CAMTA1: variants seen among roughly 807,000 people sequenced by gnomAD.
The protein encoded by CAMTA1 is calmodulin binding transcription activator 1, also known as calmodulin-binding transcription activator 1.
CAMTA1 carries 27 observed loss-of-function variants against 170.9 expected under a neutral mutation model. The ratio of observed to expected loss-of-function variants is 0.16; its 90% confidence interval spans 0.12 to 0.22. The LOEUF (loss-of-function observed/expected upper bound fraction) is 0.22. CAMTA1 is among the 10% of genes least tolerant of loss of function. The probability of loss-of-function intolerance (pLI) is 1.00; values close to 1 mark genes in which losing one functional copy is unlikely to be tolerated. For synonymous variants in CAMTA1, 833 were observed against 891.5 expected (o/e 0.93, Z 1.17); for missense variants, 1,619 against 2,217.2 (o/e 0.73, Z 5.42).
At chr1:7,275,112 T>G (rs1203785250) in intron 5 of CAMTA1, among the ~76,000 whole-genome samples, 5 of 125,214 alleles carry the variant, frequency 4.0e-5, no homozygotes, top group African/African-American at 1.5e-4. Flanking sequence ...ACTGCACTCC[T>G]GCCTGGGCAG....
chr1:7,297,309 G>T (rs778729892), intron 5 of CAMTA1, among the ~76,000 whole-genome samples: 2 of 152,188 alleles, frequency 1.3e-5, no homozygotes, highest in Admixed American at 6.5e-5. Context: ...GGTCTGGTCA[G>T]GCTTGGTTTG....
intron 3 of CAMTA1, among the ~76,000 whole-genome samples, chr1:7,057,914 A>G (rs184111292): frequency 2.0e-4 from 30 of 151,782 alleles, no homozygotes; most frequent in Admixed American, 1.2e-3. Context: ...CCTTCTCTGG[A>G]CCCCCAGATC....
rs148483532 is a variant in CAMTA1 at position 7,306,973 on chromosome 1, T to C, written c.438+57347T>C. On this transcript the variant is annotated intron_variant, in intron 5 of 22. Transcript: ENST00000303635. Reference sequence around the variant, plus strand: ...TTTAAAGTATATGGGAGGGTAAGCATAGGTTATATGCAAATACTATACCAT... The same window carrying C: ...TTTAAAGTATATGGGAGGGTAAGCACAGGTTATATGCAAATACTATACCAT... Among the ~76,000 whole-genome samples the C allele has an allele frequency of 1.1e-3, 165 of 152,050 alleles. 1 individual carries two copies. The highest frequency in any genetic ancestry group is 3.9e-3 in the African/African-American group (161 of 41,560).
At chr1:7,644,082 G>A (rs113645404) in intron 7 of CAMTA1, among the ~76,000 whole-genome samples, 6 of 152,314 alleles carry the variant, frequency 3.9e-5, no homozygotes, top group African/African-American at 1.4e-4. Flanking sequence ...GCCCGCCAGC[G>A]GAGTTGTCAG....
intron 3 of CAMTA1, among the ~76,000 whole-genome samples, chr1:6,841,976 C>G (rs1348394158): frequency 6.6e-6 from 1 of 152,110 alleles, no homozygotes; most frequent in East Asian, 1.9e-4. Context: ...TGTAGAACCT[C>G]TGCCCTTTCT....
chr1:7,662,883 G>C (rs1183550653), intron 8 of CAMTA1, among the ~76,000 whole-genome samples: 1 of 152,114 alleles, frequency 6.6e-6, no homozygotes, highest in Non-Finnish European at 1.5e-5. Flanking sequence ...GCTCCTCACT[G>C]GGGCATGGCC....
At chr1:7,587,411 G>A (rs1444473049) in intron 6 of CAMTA1, among the ~76,000 whole-genome samples, 3 of 152,186 alleles carry the variant, frequency 2.0e-5, no homozygotes, top group East Asian at 1.9e-4. Flanking sequence ...TGGGGCCTGC[G>A]TCTGCGGTGA....
chr1:7,340,179 C>G (rs528298442), intron 5 of CAMTA1, among the ~76,000 whole-genome samples: 1 of 152,250 alleles, frequency 6.6e-6, no homozygotes, highest in East Asian at 1.9e-4. Flanking sequence ...TGGCTGTGTG[C>G]CCATAAAACT....
intron 3 of CAMTA1, among the ~76,000 whole-genome samples, chr1:6,838,302 G>C (rs1394416752): frequency 1.3e-5 from 2 of 152,162 alleles, no homozygotes; most frequent in South Asian, 2.1e-4. Context: ...GTGTGCAAAT[G>C]GATTCCCACA....
chr1:7,568,879 C>G (rs1050409003), intron 6 of CAMTA1, among the ~76,000 whole-genome samples: 13 of 150,826 alleles, frequency 8.6e-5, no homozygotes, highest in Non-Finnish European at 1.3e-4. Flanking sequence ...TCACCATCAT[C>G]ACCGCATCAC....
intron 3 of CAMTA1, among the ~76,000 whole-genome samples, chr1:6,899,186 C>G (rs1316906970): frequency 6.6e-6 from 1 of 152,184 alleles, no homozygotes; most frequent in Non-Finnish European, 1.5e-5. Context: ...TGTGTGATGG[C>G]TGAGAGGGAT....
chr1:6,926,452 CTT>C (rs772101602), intron 3 of CAMTA1, among the ~76,000 whole-genome samples: 1 of 107,726 alleles, frequency 9.3e-6, no homozygotes, highest in African/African-American at 4.4e-5. Context: ...TTCTTTCTTT[CTT>C]TCTTTCTTTC....
intron 4 of CAMTA1, among the ~76,000 whole-genome samples, chr1:7,124,930 A>G (rs1644847489): frequency 6.6e-6 from 1 of 152,122 alleles, no homozygotes; most frequent in South Asian, 2.1e-4. Context: ...GGAAGGGAGG[A>G]GATTTTGTCG....
At chr1:7,428,618 C>T (rs866082477) in intron 5 of CAMTA1, among the ~76,000 whole-genome samples, 1 of 152,146 alleles carries the variant, frequency 6.6e-6, no homozygotes, top group Non-Finnish European at 1.5e-5. Context: ...CCCCTGAGTC[C>T]TATTCTAAAG....
rs1708967089 is a variant in CAMTA1 at position 7,066,379 on chromosome 1, T to C, written c.235-24925T>C. Among the ~76,000 whole-genome samples, 5 of 152,334 alleles carry C rather than the reference T, an allele frequency of 3.3e-5. No individual in the cohort carries two copies. The South Asian group carries it at 6.2e-4, about 19-fold the overall frequency. On this transcript the variant is annotated intron_variant, in intron 3 of 22. Transcript: ENST00000303635. Reference sequence around the variant, plus strand: ...TGGGACAAGGCACACACACTTTTGATTGATAAACAGGGTGTGTCATTTAAA... The same window carrying C: ...TGGGACAAGGCACACACACTTTTGACTGATAAACAGGGTGTGTCATTTAAA...
At chr1:7,343,285 T>G (rs940356925) in intron 5 of CAMTA1, among the ~76,000 whole-genome samples, 2 of 152,170 alleles carry the variant, frequency 1.3e-5, no homozygotes, top group Admixed American at 1.3e-4. Flanking sequence ...GAGTTTCCTG[T>G]GCCTCAGCTC....
chr1:7,557,070 G>A (rs1241468969), intron 6 of CAMTA1, among the ~76,000 whole-genome samples: 1 of 152,122 alleles, frequency 6.6e-6, no homozygotes, highest in Non-Finnish European at 1.5e-5. Flanking sequence ...CACTTGGGGA[G>A]ACCGAGGCGG....
At chr1:7,752,084 G>A (rs1426199688) in intron 20 of CAMTA1, among the ~76,000 whole-genome samples, 17 of 152,228 alleles carry the variant, frequency 1.1e-4, no homozygotes, top group Non-Finnish European at 2.5e-4. Flanking sequence ...CCCAAAGAGT[G>A]TATCAACTCC....
At chr1:7,460,265 C>A (rs1473402959) in intron 5 of CAMTA1, among the ~76,000 whole-genome samples, 1 of 152,206 alleles carries the variant, frequency 6.6e-6, no homozygotes, top group African/African-American at 2.4e-5. Context: ...TTTTTTGGCT[C>A]AGCACAAATG....
Sources: allele counts gnomAD v4.1 joint callset (sites outside exome capture counted in the v4.1 genomes callset), GRCh38; gene constraint gnomAD v4.1.1; transcripts MANE v1.5; gene names NCBI Gene and HGNC (gene_info 2026-07-23, HGNC 2026-07-21).